The following RIT2 variants were observed in gnomAD, a reference collection of about 807,000 sequenced individuals.
RIT2 encodes the protein Ras like without CAAX 2.
Under a neutral mutation model 23.7 loss-of-function variants are expected in RIT2, and 24 were observed. That is an observed-to-expected ratio of 1.01 (90% CI 0.73 to 1.43). The LOEUF (loss-of-function observed/expected upper bound fraction) is 1.43, where lower values mean the gene tolerates loss of function less well. Ranked by LOEUF, RIT2 falls within the 40% of genes most tolerant of loss-of-function variation. RIT2 has a pLI of 0.00. For missense variants in RIT2, 236 were observed against 266.9 expected (o/e 0.88, Z 0.81); for synonymous variants, 107 against 91.1 (o/e 1.17, Z -0.99).
chr18:42,919,140 T>A (rs1461413700), intron 4 of RIT2, among the ~76,000 whole-genome samples: 1 of 152,142 alleles, frequency 6.6e-6, no homozygotes, highest in Non-Finnish European at 1.5e-5. Flanking sequence ...TCTCCAAAGA[T>A]AAATAGATGC....
At chr18:42,842,234 C>T (rs1317743626) in intron 4 of RIT2, among the ~76,000 whole-genome samples, 1 of 152,146 alleles carries the variant, frequency 6.6e-6, no homozygotes, top group Non-Finnish European at 1.5e-5. Flanking sequence ...TTATATATCA[C>T]TCACAATTTG....
rs948005982 is a variant in RIT2 at position 42,911,408 on chromosome 18, C to A, written c.426+12164G>T. Reference sequence around the variant, plus strand: ...ATTCATCTAAAAAAATCAATAAAATCGGTAAACTTTTAGCAAGATTGACAG... The same window carrying A: ...ATTCATCTAAAAAAATCAATAAAATAGGTAAACTTTTAGCAAGATTGACAG... On this transcript the variant is annotated intron_variant, in intron 4 of 4. Transcript: ENST00000326695. Among the ~76,000 whole-genome samples, 2 of 151,722 alleles carry A rather than the reference C, an allele frequency of 1.3e-5. 1 individual carries two copies. Among genetic ancestry groups the A allele is most frequent in the South Asian group, 4.2e-4 (2 of 4,814 alleles).
intron 2 of RIT2, among the ~76,000 whole-genome samples, chr18:43,005,870 C>T (rs1568053628): frequency 6.6e-6 from 1 of 151,650 alleles, no homozygotes; most frequent in African/African-American, 2.4e-5. Context: ...GGCCAGAAAG[C>T]GTCTTGGAGA....
intron 4 of RIT2, among the ~76,000 whole-genome samples, chr18:42,748,748 T>G (rs1466207071): frequency 6.6e-6 from 1 of 151,832 alleles, no homozygotes; most frequent in Non-Finnish European, 1.5e-5. Context: ...ATACAATGGA[T>G]TTTGGGGACT....
At chr18:42,813,830 C>A (rs185371021) in intron 4 of RIT2, among the ~76,000 whole-genome samples, 4 of 152,254 alleles carry the variant, frequency 2.6e-5, no homozygotes, top group African/African-American at 7.2e-5. Flanking sequence ...CCAAGAGGAC[C>A]CACAGACGCT....
chr18:43,106,512 A>G (rs1425367548), intron 1 of RIT2, among the ~76,000 whole-genome samples: 1 of 151,852 alleles, frequency 6.6e-6, no homozygotes, highest in Non-Finnish European at 1.5e-5. Flanking sequence ...TAAGACCACA[A>G]ATTATCTACA....
chr18:42,925,085 T>C (rs1909147695), intron 3 of RIT2, among the ~76,000 whole-genome samples: 1 of 151,968 alleles, frequency 6.6e-6, no homozygotes, highest in African/African-American at 2.4e-5. Flanking sequence ...TGATATAGAG[T>C]TGGGTCAAAA....
At chr18:43,020,508 A>AC (rs988978873) in intron 2 of RIT2, among the ~76,000 whole-genome samples, 3 of 151,970 alleles carry the variant, frequency 2.0e-5, no homozygotes, top group Non-Finnish European at 2.9e-5. Context: ...ACAAAACAAA[A>AC]AAAATGCATA....
intron 1 of RIT2, among the ~76,000 whole-genome samples, chr18:43,102,792 T>C (rs1243432158): frequency 6.6e-6 from 1 of 152,060 alleles, no homozygotes; most frequent in African/African-American, 2.4e-5. Flanking sequence ...TAGCTGGGAC[T>C]ACAGGAGTGC....
intron 4 of RIT2, among the ~76,000 whole-genome samples, chr18:42,784,358 A>G (rs1913878967): frequency 6.6e-6 from 1 of 151,816 alleles, no homozygotes; most frequent in Non-Finnish European, 1.5e-5. Flanking sequence ...GGTGGATTTG[A>G]AAATACTTGG....
At chr18:42,751,495 C>T (rs986023009) in intron 4 of RIT2, among the ~76,000 whole-genome samples, 3 of 151,774 alleles carry the variant, frequency 2.0e-5, no homozygotes, top group African/African-American at 7.3e-5. Context: ...CAAGCTCGAC[C>T]AGAAATAAAA....
intron 4 of RIT2, among the ~76,000 whole-genome samples, chr18:42,859,957 T>C (rs1480474054): frequency 6.6e-6 from 1 of 151,532 alleles, no homozygotes; most frequent in Non-Finnish European, 1.5e-5. Context: ...AGAGCCCCTC[T>C]ACACATTTCA....
intron 1 of RIT2, among the ~76,000 whole-genome samples, chr18:43,047,718 G>C (rs1012874007): frequency 2.0e-5 from 3 of 152,116 alleles, no homozygotes; most frequent in Admixed American, 6.6e-5. Flanking sequence ...GAAGCCAGGG[G>C]CTCAGAGAGA....
intron 2 of RIT2, among the ~76,000 whole-genome samples, chr18:43,030,994 A>G (rs1167354939): frequency 1.3e-5 from 2 of 152,052 alleles, no homozygotes; most frequent in Non-Finnish European, 2.9e-5. Context: ...CTAAACCCTT[A>G]GCCAGGCCTG....
intron 4 of RIT2, among the ~76,000 whole-genome samples, chr18:42,849,258 A>G (rs569704917): frequency 6.6e-6 from 1 of 152,210 alleles, no homozygotes; most frequent in Non-Finnish European, 1.5e-5. Context: ...GACATTCTCC[A>G]TCCAGACCAC....
At chr18:42,797,905 A>G (rs1905421037) in intron 4 of RIT2, among the ~76,000 whole-genome samples, 1 of 152,198 alleles carries the variant, frequency 6.6e-6, no homozygotes, top group Non-Finnish European at 1.5e-5. Flanking sequence ...AAGGTGGACA[A>G]ATAAAGGGAA....
At chr18:42,859,039 C>T (rs1168093978) in intron 4 of RIT2, among the ~76,000 whole-genome samples, 2 of 152,088 alleles carry the variant, frequency 1.3e-5, no homozygotes, top group Non-Finnish European at 2.9e-5. Context: ...TTTAGGTGGA[C>T]ATATGGTTTT....
intron 4 of RIT2, among the ~76,000 whole-genome samples, chr18:42,916,177 G>T (rs1356848876): frequency 6.6e-6 from 1 of 152,044 alleles, no homozygotes; most frequent in Non-Finnish European, 1.5e-5. Flanking sequence ...CTAGGATGGG[G>T]CCTGATAATT....
At chr18:42,815,964 G>A (rs1905986672) in intron 4 of RIT2, among the ~76,000 whole-genome samples, 1 of 152,130 alleles carries the variant, frequency 6.6e-6, no homozygotes, top group Admixed American at 6.5e-5. Flanking sequence ...AATGGCGAGA[G>A]ACAGTTGAAA....
Sources: gnomAD v4.1 joint callset for allele counts (sites outside exome capture counted in the v4.1 genomes callset) on GRCh38, gnomAD v4.1.1 for gene constraint, MANE v1.5 for transcripts, NCBI Gene and HGNC (gene_info 2026-07-23, HGNC 2026-07-21) for gene names.